SLC22A23: variants seen among roughly 807,000 people sequenced by gnomAD.
SLC22A23 encodes ion transporter protein.
Under a neutral mutation model 61.0 loss-of-function variants are expected in SLC22A23, and 26 were observed. The observed-to-expected ratio is 0.43, with a 90% CI of 0.31 to 0.59. SLC22A23 has a LOEUF of 0.59. Among genes scored for constraint, SLC22A23 ranks in the 20% least tolerant of loss-of-function variants. The pLI is 0.11. For missense variants in SLC22A23, 796 were observed against 934.7 expected (o/e 0.85, Z 1.94); for synonymous variants, 430 against 413.9 (o/e 1.04, Z -0.47).
chr6:3,445,200 C>A (rs1311577897), intron 1 of SLC22A23, among the ~76,000 whole-genome samples: 1 of 151,906 alleles, frequency 6.6e-6, no homozygotes. Context: ...TCTTGCCCCC[C>A]TTTATTTTTT....
At chr6:3,434,671 T>C (rs1452625235) in intron 1 of SLC22A23, among the ~76,000 whole-genome samples, 1 of 151,968 alleles carries the variant, frequency 6.6e-6, no homozygotes, top group African/African-American at 2.4e-5. Context: ...AAATATCTGA[T>C]GGATTGCGAG....
intron 9 of SLC22A23, among the ~76,000 whole-genome samples, chr6:3,277,726 T>C (rs1759040070): frequency 6.6e-6 from 1 of 152,232 alleles, no homozygotes; most frequent in African/African-American, 2.4e-5. Context: ...GGGCATCTAC[T>C]CAGTGCTATA....
At chr6:3,436,088 A>G (rs1022523597) in intron 1 of SLC22A23, among the ~76,000 whole-genome samples, 6 of 152,216 alleles carry the variant, frequency 3.9e-5, no homozygotes, top group Non-Finnish European at 8.8e-5. Context: ...AGGATGACCT[A>G]GAAGAGAACT....
rs56215807 is a variant in SLC22A23 at position 3,333,714 on chromosome 6, C to G, written c.914-9712G>C. On this transcript the variant is annotated intron_variant, in intron 3 of 9. Transcript: ENST00000406686. This position sits in a 1 kb window ranked among gnomAD's most constrained non-coding sequence, Gnocchi z 4.1. Reference sequence around the variant, plus strand: ...GACCACACAGAGGAGAGTGCCTCCCCGACAGTGGTTTGCAAGTGTGGCCCC... The same window carrying G: ...GACCACACAGAGGAGAGTGCCTCCCGGACAGTGGTTTGCAAGTGTGGCCCC... Among the ~76,000 whole-genome samples the G allele has an allele frequency of 0.26, 38,967 of 152,130 alleles. 6,644 individuals are homozygous for G. Among genetic ancestry groups the G allele is most frequent in the African/African-American group, 0.48 (19,853 of 41,476 alleles).
At chr6:3,337,492 T>C (rs996728027) in intron 3 of SLC22A23, among the ~76,000 whole-genome samples, 1 of 151,928 alleles carries the variant, frequency 6.6e-6, no homozygotes, top group Admixed American at 6.6e-5. Context: ...CCCCCAGTGT[T>C]AACATTCTTA....
At chr6:3,377,751 A>C (rs545850195) in intron 3 of SLC22A23, 18 of 152,696 alleles carry the variant, frequency 1.2e-4, no homozygotes, top group Non-Finnish European at 1.9e-4. Flanking sequence ...TGGGGAAACG[A>C]GTGAGGAGAC....
chr6:3,362,438 A>G (rs1224347016), intron 3 of SLC22A23, among the ~76,000 whole-genome samples: 1 of 136,852 alleles, frequency 7.3e-6, no homozygotes, highest in African/African-American at 3.2e-5. Context: ...ATAAAAAATA[A>G]AAATTAGCAT....
intron 5 of SLC22A23, chr6:3,291,523 G>C (rs565777993): frequency 6.6e-6 from 1 of 152,196 alleles, no homozygotes; most frequent in African/African-American, 2.4e-5. Flanking sequence ...CCATACTTGG[G>C]TGCAAAGATT....
rs374962597 is a variant in SLC22A23, at chr6:3,405,008, C to A, written c.913+5180G>T. Among the ~76,000 whole-genome samples, 18 of 151,824 alleles carry A rather than the reference C, an allele frequency of 1.2e-4. No homozygotes were observed. In the East Asian group the frequency reaches 3.3e-3, roughly 28 times the overall value. The stretch of plus-strand genomic sequence containing the variant: ...AGGTGCGGTGGCTCATGCCTGTAAT[C>A]CTGGCACTTTGGGAGGCCGAGGCGG... On this transcript the variant is annotated intron_variant, in intron 3 of 9. Coordinates refer to ENST00000406686, the MANE Select transcript of SLC22A23 (RefSeq NM_015482.2).
At chr6:3,399,390 C>T (rs953194380) in intron 3 of SLC22A23, among the ~76,000 whole-genome samples, 3 of 152,148 alleles carry the variant, frequency 2.0e-5, no homozygotes, top group Non-Finnish European at 2.9e-5. Context: ...AAAAATGAAC[C>T]ATGTGTTATT....
intron 4 of SLC22A23, among the ~76,000 whole-genome samples, chr6:3,305,279 TGATGA>T (rs1761896017): frequency 6.6e-6 from 1 of 152,198 alleles, no homozygotes; most frequent in Non-Finnish European, 1.5e-5. Context: ...CCAGGCAGTC[TGATGA>T]GATAGCCCAC....
chr6:3,292,038 A>G (rs939511785), intron 5 of SLC22A23: 2 of 152,342 alleles, frequency 1.3e-5, no homozygotes, highest in African/African-American at 4.8e-5. Context: ...GTGGAATTAG[A>G]TTAACCTTTC....
At chr6:3,280,490 C>CTTTT (rs1163139930) in intron 9 of SLC22A23, among the ~76,000 whole-genome samples, 25 of 57,286 alleles carry the variant, frequency 4.4e-4, no homozygotes, top group African/African-American at 1.2e-3. Flanking sequence ...TAAGACACAA[C>CTTTT]TTTTTTTTTT....
chr6:3,395,958 T>G (rs1767975898), intron 3 of SLC22A23, among the ~76,000 whole-genome samples: 1 of 152,254 alleles, frequency 6.6e-6, no homozygotes, highest in African/African-American at 2.4e-5. Flanking sequence ...TTACGAGAAC[T>G]CATGCAAATT....
At chr6:3,345,394 T>C (rs1480677339) in intron 3 of SLC22A23, among the ~76,000 whole-genome samples, 1 of 146,796 alleles carries the variant, frequency 6.8e-6, no homozygotes, top group East Asian at 2.0e-4. Context: ...AGACAGAGTC[T>C]TGCTCTGTCA....
intron 1 of SLC22A23, among the ~76,000 whole-genome samples, chr6:3,421,164 A>T (rs534836037): frequency 2.6e-5 from 4 of 152,326 alleles, no homozygotes; most frequent in East Asian, 1.9e-4. Context: ...AGAAAATTTT[A>T]AAAAAATTTC....
intron 1 of SLC22A23, among the ~76,000 whole-genome samples, chr6:3,417,046 G>A (rs531672427): frequency 6.6e-6 from 1 of 152,290 alleles, no homozygotes; most frequent in South Asian, 2.1e-4. Context: ...CTCAGGTCCT[G>A]CCTCATGTTT....
At chr6:3,359,040 G>C (rs1369991741) in intron 3 of SLC22A23, among the ~76,000 whole-genome samples, 2 of 152,192 alleles carry the variant, frequency 1.3e-5, no homozygotes, top group East Asian at 1.9e-4. Context: ...AGGATGAAGA[G>C]AGAATAGGGA....
chr6:3,283,412 A>G (rs1759662501), intron 9 of SLC22A23: 1 of 255,866 alleles, frequency 3.9e-6, no homozygotes, highest in African/African-American at 2.2e-5. Flanking sequence ...AGGCTGGGCA[A>G]TAAGAGTGAA....
Sources: gnomAD v4.1 joint callset for allele counts (sites outside exome capture counted in the v4.1 genomes callset) on GRCh38, gnomAD v4.1.1 for gene constraint, Gnocchi (gnomAD v3.1) non-coding constraint, MANE v1.5 for transcripts, NCBI Gene and HGNC (gene_info 2026-07-23, HGNC 2026-07-21) for gene names.